The following UGGT2 variants were observed in gnomAD, a reference collection of about 807,000 sequenced individuals.
The protein encoded by UGGT2 is UDP-glucose glycoprotein glucosyltransferase 2.
A neutral mutation model predicts 192.1 loss-of-function variants in UGGT2; 180 were observed. The observed-to-expected ratio is 0.94, with a 90% CI of 0.83 to 1.06. The LOEUF (loss-of-function observed/expected upper bound fraction) is 1.06. Among genes scored for constraint, UGGT2 ranks in the 50% least tolerant of loss-of-function variants. UGGT2 has a pLI of 0.00. For synonymous variants in UGGT2, 580 were observed against 591.0 expected, an observed-to-expected ratio of 0.98 and a Z score of 0.27; for missense variants, 1,849 against 1,795.7, an observed-to-expected ratio of 1.03 and a Z score of -0.54.
At chr13:96,052,247 G>A (rs2053506611) in intron 1 of UGGT2, among the ~76,000 whole-genome samples, 1 of 152,176 alleles carries the variant, frequency 6.6e-6, no homozygotes, top group Admixed American at 6.5e-5. Context: ...TGTTCTCACT[G>A]ATATGTGGGA....
intron 10 of UGGT2, among the ~76,000 whole-genome samples, chr13:95,980,460 C>T (rs191880587): frequency 1.4e-3 from 212 of 151,294 alleles, no homozygotes; most frequent in African/African-American, 4.7e-3. Context: ...GGGGAAAGGG[C>T]GGGGGGTGGC....
chr13:95,951,819 G>A (rs1457971605), intron 12 of UGGT2, among the ~76,000 whole-genome samples: 1 of 152,120 alleles, frequency 6.6e-6, no homozygotes. Context: ...CAGCACTTTG[G>A]GAGCCTGAGG....
At chr13:96,015,186 G>A (rs2052291243) in intron 4 of UGGT2, among the ~76,000 whole-genome samples, 1 of 151,842 alleles carries the variant, frequency 6.6e-6, no homozygotes, top group East Asian at 1.9e-4. Context: ...GCTGAGGCAG[G>A]AGAATGGCAT....
intron 19 of UGGT2, 35 bp downstream of exon 19, chr13:95,926,993 T>G: frequency 6.5e-7 from 1 of 1,543,812 alleles, no homozygotes; most frequent in Non-Finnish European, 8.8e-7. Flanking sequence ...TTTCTATCAC[T>G]TTAAGAATTC....
chr13:95,967,705 C>G (rs1250240445), intron 12 of UGGT2, among the ~76,000 whole-genome samples: 1 of 151,930 alleles, frequency 6.6e-6, no homozygotes, highest in African/African-American at 2.4e-5. Flanking sequence ...ATCTCCTGAC[C>G]TCATGATCCG....
Position 95,903,062 on chromosome 13 carries a change from T to C in UGGT2, c.2296-2A>G. 6.2e-7 allele frequency: 1 copy of C among 1,607,142 alleles called. No homozygotes were observed. On this transcript the variant is annotated splice_acceptor_variant, in intron 20 of 38. Transcript: ENST00000376747. LOFTEE classifies it high-confidence loss of function. Reference sequence around the variant, plus strand: ...CAACCGACTATGAACACTTGTTTTCTGCAAACATATTTATAGATTAAAAAG... The same window carrying C: ...CAACCGACTATGAACACTTGTTTTCCGCAAACATATTTATAGATTAAAAAG...
chr13:95,958,888 G>A (rs953497664), intron 12 of UGGT2, among the ~76,000 whole-genome samples: 1 of 152,168 alleles, frequency 6.6e-6, no homozygotes, highest in African/African-American at 2.4e-5. Flanking sequence ...TTCCACTACG[G>A]ACTCCTACCA....
At chr13:95,915,808 G>A (rs184969717) in intron 20 of UGGT2, among the ~76,000 whole-genome samples, 1 of 152,306 alleles carries the variant, frequency 6.6e-6, no homozygotes, top group Admixed American at 6.5e-5. Flanking sequence ...TCTTTAAGCA[G>A]GACCCCAATC....
chr13:96,049,092 G>C (rs993367004), intron 1 of UGGT2, among the ~76,000 whole-genome samples: 4 of 152,134 alleles, frequency 2.6e-5, no homozygotes, highest in South Asian at 2.1e-4. Context: ...ATAAAATACT[G>C]GCAAACCAAA....
At chr13:95,994,289 A>T (rs1304498947) in intron 7 of UGGT2, among the ~76,000 whole-genome samples, 1 of 152,004 alleles carries the variant, frequency 6.6e-6, no homozygotes, top group African/African-American at 2.4e-5. Context: ...CTCCCTAAAA[A>T]TAAAGAAACC....
At chr13:95,904,766 G>A (rs573125789) in intron 20 of UGGT2, among the ~76,000 whole-genome samples, 2 of 152,064 alleles carry the variant, frequency 1.3e-5, no homozygotes, top group Admixed American at 6.5e-5. Flanking sequence ...ATGTGTGCAT[G>A]TGTCTTTATA....
chr13:95,919,629 A>G (rs1333786852), intron 20 of UGGT2, among the ~76,000 whole-genome samples: 1 of 152,174 alleles, frequency 6.6e-6, no homozygotes, highest in Non-Finnish European at 1.5e-5. Context: ...TAAAATACCT[A>G]GGAATATAGC....
At chr13:95,843,881 T>C (rs1203865112) in intron 36 of UGGT2, among the ~76,000 whole-genome samples, 6 of 152,292 alleles carry the variant, frequency 3.9e-5, no homozygotes, top group South Asian at 2.1e-4. Context: ...ATATATTATG[T>C]CTTAAAACAA....
chr13:95,828,419 G>A (rs879091230), intron 38 of UGGT2, among the ~76,000 whole-genome samples: 1 of 151,964 alleles, frequency 6.6e-6, no homozygotes, highest in African/African-American at 2.4e-5. Flanking sequence ...TTGACAGACC[G>A]CTAGCAAGGC....
chr13:95,851,352 TG>T (rs1161625626), intron 36 of UGGT2, among the ~76,000 whole-genome samples: 1 of 152,144 alleles, frequency 6.6e-6, no homozygotes, highest in African/African-American at 2.4e-5. Context: ...AGATAAGATT[TG>T]GGAACTATTA....
chr13:95,873,919 T>TTTCCTTATGTCACA, intron 29 of UGGT2, among the ~76,000 whole-genome samples: 1 of 152,174 alleles, frequency 6.6e-6, no homozygotes, highest in African/African-American at 2.4e-5. Context: ...GGGTCTGGGG[T>TTTCCTTATGTCACA]CAGACAACTA....
At chr13:95,867,539 A>T in intron 29 of UGGT2, 116 bp from the exon 30 acceptor site, 1 of 697,054 alleles carries the variant, frequency 1.4e-6, no homozygotes, top group Non-Finnish European at 2.3e-6. Flanking sequence ...TAGTGCATAT[A>T]TCATGTTTTT....
chr13:95,809,176 T>C (rs1884461135), intron 38 of UGGT2: 2 of 459,610 alleles, frequency 4.4e-6, no homozygotes. Flanking sequence ...TGAGGTGGGA[T>C]TCCTTCCTTC....
At chr13:95,821,780 G>T (rs773553586) in intron 38 of UGGT2, among the ~76,000 whole-genome samples, 4 of 152,042 alleles carry the variant, frequency 2.6e-5, no homozygotes, top group Non-Finnish European at 5.9e-5. Context: ...TTCTATATGT[G>T]GCTTGCAAGT....
Sources: gnomAD v4.1 joint callset for allele counts (sites outside exome capture counted in the v4.1 genomes callset) on GRCh38, gnomAD v4.1.1 for gene constraint, MANE v1.5 for transcripts, NCBI Gene and HGNC (gene_info 2026-07-23, HGNC 2026-07-21) for gene names.